Variants in LTBP1 observed in about 807,000 individuals in gnomAD.
LTBP1 encodes latent-transforming growth factor beta-binding protein 1.
In LTBP1, 129 loss-of-function variants were observed where a neutral mutation model predicts 207.6. The ratio of observed to expected loss-of-function variants is 0.62; its 90% confidence interval spans 0.54 to 0.72. LTBP1 has a LOEUF of 0.72. Ranked by LOEUF, LTBP1 falls within the 30% of genes least tolerant of loss-of-function variation. The pLI, the probability that LTBP1 is intolerant of heterozygous loss-of-function variation, is 0.00. For missense variants in LTBP1, 2,281 were observed against 2,217.2 expected, an observed-to-expected ratio of 1.03 and a Z score of -0.58; for synonymous variants, 963 against 833.7, an observed-to-expected ratio of 1.16 and a Z score of -2.67.
intron 19 of LTBP1, among the ~76,000 whole-genome samples, chr2:33,286,179 C>T (rs1415314427): frequency 2.0e-5 from 3 of 152,104 alleles, no homozygotes; most frequent in Non-Finnish European, 4.4e-5. Context: ...TGTAATCTTT[C>T]TTTTTTAACC....
intron 9 of LTBP1, among the ~76,000 whole-genome samples, chr2:33,238,753 A>G (rs2092172843): frequency 6.6e-6 from 1 of 152,228 alleles, no homozygotes; most frequent in African/African-American, 2.4e-5. Context: ...AAATGGAATA[A>G]TTATTCTTGT....
chr2:33,310,132 G>A (rs1161287615), intron 23 of LTBP1, among the ~76,000 whole-genome samples: 1 of 151,948 alleles, frequency 6.6e-6, no homozygotes, highest in African/African-American at 2.4e-5. Flanking sequence ...ATTTTTACTG[G>A]AGACGGGGGT....
At chr2:33,172,304 A>G (rs999624277) in intron 5 of LTBP1, among the ~76,000 whole-genome samples, 4 of 152,096 alleles carry the variant, frequency 2.6e-5, no homozygotes, top group African/African-American at 7.2e-5. Flanking sequence ...AAAGGATGGA[A>G]GAAGATCTAC....
intron 19 of LTBP1, among the ~76,000 whole-genome samples, chr2:33,282,089 A>ATATATATAT (rs1166313663): frequency 6.9e-6 from 1 of 145,934 alleles, no homozygotes; most frequent in Non-Finnish European, 1.5e-5. Flanking sequence ...ATATATATAT[A>ATATATATAT]AACTTTAGTG....
intron 32 of LTBP1, 89 bp downstream of exon 32, chr2:33,389,395 A>C: frequency 6.4e-7 from 1 of 1,552,648 alleles, no homozygotes; most frequent in South Asian, 1.2e-5. Flanking sequence ...CTTGTTAGCA[A>C]TGCAGCATTT....
chr2:33,343,172 T>C (rs2149690655), intron 25 of LTBP1, among the ~76,000 whole-genome samples: 1 of 152,054 alleles, frequency 6.6e-6, no homozygotes, highest in East Asian at 1.9e-4. Flanking sequence ...GAGGCCAAGG[T>C]TGGAGAATTG....
intron 15 of LTBP1, among the ~76,000 whole-genome samples, chr2:33,271,787 CAAAT>C (rs2093327865): frequency 1.3e-5 from 2 of 151,960 alleles, no homozygotes; most frequent in African/African-American, 4.8e-5. Context: ...GTTTTTTTAA[CAAAT>C]AAGCATTTTC....
chr2:33,371,330 C>T (rs2095064627), intron 31 of LTBP1, among the ~76,000 whole-genome samples: 1 of 152,190 alleles, frequency 6.6e-6, no homozygotes, highest in Non-Finnish European at 1.5e-5. Context: ...TTCTCCTTCC[C>T]CTTTCACAGT....
At chr2:33,160,105 C>T (rs564493507) in intron 5 of LTBP1, among the ~76,000 whole-genome samples, 9 of 152,170 alleles carry the variant, frequency 5.9e-5, no homozygotes, top group Non-Finnish European at 8.8e-5. Flanking sequence ...TCTTGAACTC[C>T]TGACCTCAAG....
chr2:33,151,765 C>G (rs976406794), intron 5 of LTBP1, among the ~76,000 whole-genome samples: 4 of 151,696 alleles, frequency 2.6e-5, no homozygotes, highest in African/African-American at 9.7e-5. Context: ...TCTCCAGTCT[C>G]ATCTATGTGG....
chr2:33,346,855 G>A (rs1202143807), intron 25 of LTBP1, among the ~76,000 whole-genome samples: 9 of 152,010 alleles, frequency 5.9e-5, no homozygotes, highest in Admixed American at 6.6e-5. Context: ...AGTGGCTCGC[G>A]CCTGTAATCC....
chr2:33,296,149 GA>G (rs1433582650), intron 20 of LTBP1, among the ~76,000 whole-genome samples: 2 of 152,246 alleles, frequency 1.3e-5, no homozygotes, highest in African/African-American at 4.8e-5. Flanking sequence ...CAAGCCTTAG[GA>G]GTCATGGTTA....
intron 6 of LTBP1, 130 bp from the exon 7 acceptor site, chr2:33,188,447 A>AAAAAATT: frequency 1.5e-6 from 1 of 668,170 alleles, no homozygotes; most frequent in Non-Finnish European, 2.5e-6. Context: ...AAAAAAAAGA[A>AAAAAATT]TTTTGATGGC....
chr2:32,949,020 A>C, intron 2 of LTBP1, 75 bp downstream of exon 2: 1 of 1,423,986 alleles, frequency 7.0e-7, no homozygotes, highest in Non-Finnish European at 9.9e-7. Flanking sequence ...GGCATCTCAC[A>C]AGGGCCACTT....
chr2:33,327,067 T>A (rs888425975), intron 24 of LTBP1, among the ~76,000 whole-genome samples: 1 of 152,208 alleles, frequency 6.6e-6, no homozygotes, highest in Non-Finnish European at 1.5e-5. Context: ...TGTTTATTTT[T>A]AAACGTTTGA....
At chr2:33,276,338 T>A (rs762017604) in intron 18 of LTBP1, among the ~76,000 whole-genome samples, 3 of 152,192 alleles carry the variant, frequency 2.0e-5, no homozygotes, top group Non-Finnish European at 4.4e-5. Context: ...TTTACATGTG[T>A]TCTGGTACTT....
chr2:33,080,616 A>G lies in LTBP1; in HGVS notation c.864-29966A>G, dbSNP rs987725271. Among the ~76,000 whole-genome samples, 6 of 152,218 alleles carry G rather than the reference A, an allele frequency of 3.9e-5. No individual in the cohort carries two copies. In the South Asian group the frequency reaches 1.2e-3, roughly 32 times the overall value. The stretch of plus-strand genomic sequence containing the variant: ...TCTATTTCAAATAACTGACATAGCA[A>G]TCTTTGAAAGCAGTTTTTTTCTTTA... On this transcript the variant is annotated intron_variant, in intron 3 of 33. Transcript: ENST00000404816.
intron 22 of LTBP1, among the ~76,000 whole-genome samples, chr2:33,306,539 C>T (rs903250656): frequency 9.2e-5 from 14 of 151,466 alleles, no homozygotes; most frequent in Middle Eastern, 3.2e-3. Context: ...CACTGTACTC[C>T]GGCCTGGGTG....
chr2:33,396,713 A>C (rs978522846), intron 32 of LTBP1, among the ~76,000 whole-genome samples: 2 of 152,004 alleles, frequency 1.3e-5, no homozygotes, highest in Middle Eastern at 3.2e-3. Flanking sequence ...ATTGCCTCAC[A>C]CTCTTACGGA....
Sources: gnomAD v4.1 joint callset for allele counts (sites outside exome capture counted in the v4.1 genomes callset) on GRCh38, gnomAD v4.1.1 for gene constraint, MANE v1.5 for transcripts, NCBI Gene and HGNC (gene_info 2026-07-23, HGNC 2026-07-21) for gene names.